Variants in SHISA9 observed in about 807,000 individuals in gnomAD.
SHISA9 encodes the protein protein shisa-9.
A neutral mutation model predicts 38.0 loss-of-function variants in SHISA9; 13 were observed. The observed-to-expected ratio is 0.34, with a 90% CI of 0.22 to 0.54. SHISA9 has a LOEUF of 0.54. Ranked by LOEUF, SHISA9 falls within the 20% of genes least tolerant of loss-of-function variation. SHISA9 has a pLI of 0.91. For synonymous variants in SHISA9, 275 were observed against 242.0 expected (o/e 1.14, Z -1.27); for missense variants, 538 against 575.8 (o/e 0.93, Z 0.67).
chr16:13,182,898 C>A (rs1325755970), intron 2 of SHISA9, among the ~76,000 whole-genome samples: 1 of 152,206 alleles, frequency 6.6e-6, no homozygotes, highest in Non-Finnish European at 1.5e-5. Flanking sequence ...GGGTCTGTCA[C>A]ACAGTTGCAG....
chr16:13,329,866 T>C, the SHISA9 span, among the ~76,000 whole-genome samples: 2,868 of 152,342 alleles, frequency 0.019, 75 homozygotes, highest in African/African-American at 0.065. Context: ...GAGCTAGAAC[T>C]AGATGGTTCT....
the SHISA9 span, among the ~76,000 whole-genome samples, chr16:13,427,665 G>A: frequency 6.6e-6 from 1 of 152,148 alleles, no homozygotes; most frequent in Non-Finnish European, 1.5e-5. Flanking sequence ...TGACAGTGTG[G>A]CTGGAGAGAG....
the SHISA9 span, among the ~76,000 whole-genome samples, chr16:13,442,031 T>A: frequency 6.6e-6 from 1 of 152,248 alleles, no homozygotes; most frequent in Non-Finnish European, 1.5e-5. Flanking sequence ...ATGGAGCTTC[T>A]TAGATCTGAA....
At chr16:13,531,757 G>T in the SHISA9 span, among the ~76,000 whole-genome samples, 1 of 152,124 alleles carries the variant, frequency 6.6e-6, no homozygotes, top group Non-Finnish European at 1.5e-5. Flanking sequence ...TTGCTTACCT[G>T]TGAAATGGTG....
At chr16:13,119,602 CAAAT>C (rs1450564487) in intron 2 of SHISA9, among the ~76,000 whole-genome samples, 4 of 152,118 alleles carry the variant, frequency 2.6e-5, no homozygotes, top group Admixed American at 6.5e-5. Context: ...TCACGAATAA[CAAAT>C]AAGTTAATTA....
At chr16:13,532,876 C>T in the SHISA9 span, among the ~76,000 whole-genome samples, 1 of 152,114 alleles carries the variant, frequency 6.6e-6, no homozygotes, top group African/African-American at 2.4e-5. Context: ...GTCTTCCATC[C>T]TCGTGAGTCT....
chr16:13,394,809 G>A, the SHISA9 span, among the ~76,000 whole-genome samples: 2 of 152,148 alleles, frequency 1.3e-5, no homozygotes, highest in Admixed American at 1.3e-4. Context: ...CGAATGAGAG[G>A]CAGCAATGCT....
rs1184525748 is a variant in SHISA9 at position 12,915,052 on chromosome 16, G to T, written c.564-1636G>T. On this transcript the variant is annotated intron_variant, in intron 1 of 4. Coordinates refer to ENST00000558583, the MANE Select transcript of SHISA9 (RefSeq NM_001145204.3). ...TTCCGACTCTGTCTCCCAGTGTGTGGGCTTAGAGGGCTCTGGCCAGCTAAG... is the reference window on the plus strand; with the variant it reads ...TTCCGACTCTGTCTCCCAGTGTGTGTGCTTAGAGGGCTCTGGCCAGCTAAG... Among the ~76,000 whole-genome samples, 3 of 152,280 alleles carry T rather than the reference G, an allele frequency of 2.0e-5. No homozygotes were observed. In the East Asian group the frequency reaches 5.8e-4, roughly 29 times the overall value.
At chr16:13,407,589 T>C in the SHISA9 span, among the ~76,000 whole-genome samples, 2 of 152,208 alleles carry the variant, frequency 1.3e-5, no homozygotes, top group Non-Finnish European at 2.9e-5. Flanking sequence ...AACCATTCCT[T>C]CTTTTTTGAC....
At chr16:13,382,889 A>G in the SHISA9 span, among the ~76,000 whole-genome samples, 1 of 152,196 alleles carries the variant, frequency 6.6e-6, no homozygotes, top group Non-Finnish European at 1.5e-5. Flanking sequence ...TAAATTTAAA[A>G]AATTGTTATA....
chr16:13,125,384 CA>C (rs2050247599), intron 2 of SHISA9, among the ~76,000 whole-genome samples: 1 of 152,190 alleles, frequency 6.6e-6, no homozygotes, highest in Non-Finnish European at 1.5e-5. Context: ...AGGAGTGTCT[CA>C]AATCCTGGTT....
At chr16:13,073,583 C>CA in intron 2 of SHISA9, among the ~76,000 whole-genome samples, 1 of 152,142 alleles carries the variant, frequency 6.6e-6, no homozygotes, top group Admixed American at 6.5e-5. Context: ...ATCTGCAGTG[C>CA]AAAGTCAAAT....
chr16:13,512,380 T>C, the SHISA9 span, among the ~76,000 whole-genome samples: 5 of 152,060 alleles, frequency 3.3e-5, no homozygotes, highest in African/African-American at 1.2e-4. Context: ...AATGGAAAAC[T>C]ATTCCACCCT....
At chr16:13,376,720 G>A in the SHISA9 span, among the ~76,000 whole-genome samples, 1 of 151,976 alleles carries the variant, frequency 6.6e-6, no homozygotes, top group Admixed American at 6.5e-5. Context: ...TGGAGACAGG[G>A]TCTCACTCCA....
the SHISA9 span, among the ~76,000 whole-genome samples, chr16:13,283,783 G>C: frequency 6.6e-6 from 1 of 151,960 alleles, no homozygotes; most frequent in Non-Finnish European, 1.5e-5. Flanking sequence ...TGGATTTCAG[G>C]TATGTTAATG....
chr16:13,176,992 G>A (rs1054618256), intron 2 of SHISA9, among the ~76,000 whole-genome samples: 2 of 152,112 alleles, frequency 1.3e-5, no homozygotes, highest in Non-Finnish European at 2.9e-5. Flanking sequence ...TTTGATCTTT[G>A]AGGGCTCAGA....
At chr16:12,983,379 C>T (rs1049747967) in intron 2 of SHISA9, among the ~76,000 whole-genome samples, 5 of 152,240 alleles carry the variant, frequency 3.3e-5, no homozygotes, top group African/African-American at 9.6e-5. Context: ...GAGATATTCT[C>T]TGTGAGTTAA....
chr16:13,450,483 C>T, the SHISA9 span, among the ~76,000 whole-genome samples: 1 of 152,244 alleles, frequency 6.6e-6, no homozygotes, highest in Non-Finnish European at 1.5e-5. Context: ...TGGGTCTCCT[C>T]ATTTTTGTAG....
At chr16:13,418,363 G>A in the SHISA9 span, among the ~76,000 whole-genome samples, 1 of 152,186 alleles carries the variant, frequency 6.6e-6, no homozygotes, top group Non-Finnish European at 1.5e-5. Flanking sequence ...CTAGGGTAAT[G>A]AAGGCTGGAG....
Sources: gnomAD v4.1 joint callset for allele counts (sites outside exome capture counted in the v4.1 genomes callset) on GRCh38, gnomAD v4.1.1 for gene constraint, MANE v1.5 for transcripts, NCBI Gene and HGNC (gene_info 2026-07-23, HGNC 2026-07-21) for gene names.